OGDHL: variants seen among roughly 807,000 people sequenced by gnomAD.
The protein encoded by OGDHL is oxoglutarate dehydrogenase L, also known as 2-oxoglutarate dehydrogenase-like, mitochondrial.
A neutral mutation model predicts 109.6 loss-of-function variants in OGDHL; 79 were observed. The ratio of observed to expected loss-of-function variants is 0.72; its 90% CI spans 0.60 to 0.87. The LOEUF is 0.87. OGDHL is among the 40% of genes least tolerant of loss of function. The pLI, the probability that OGDHL is intolerant of heterozygous loss-of-function variation, is 0.00. For synonymous variants in OGDHL, 528 were observed against 537.2 expected, an observed-to-expected ratio of 0.98 and a Z score of 0.24; for missense variants, 1,275 against 1,362.2, an observed-to-expected ratio of 0.94 and a Z score of 1.01.
At position 49,748,099 on chromosome 10, in the gene OGDHL, G is replaced by A. The variant is rs574297757; in HGVS notation, c.988-891C>T. Among the ~76,000 whole-genome samples the A allele has an allele frequency of 6.8e-4, 103 of 152,280 alleles. 3 individuals carry two copies. The South Asian group carries it at 0.02, about 30-fold the overall frequency. ...ACATCTGCCAGCTCCTGGGAGGGTC[G>A]TTCAGTCCCACCCCCGTAGCTCCAG... On this transcript the variant is annotated intron_variant, in intron 8 of 22. Transcript: ENST00000374103.
In OGDHL at chr10:49,739,827, C is replaced by T; in HGVS notation, c.2153G>A (p.Gly718Asp). ...GGCATTGGGGCTGGCCATGGCATAG[C>T]CCAGCTCAAAGCCTAAACAGAAGAC... Reference protein sequence around the residue: ...SEYGVLGFELGYAMASPNALV... With the variant: ...SEYGVLGFELDYAMASPNALV... Residue 718 changes from glycine (G) to aspartate (D), a missense_variant, in exon 17 of 23, where the codon GGC (glycine) becomes GAC (aspartate). Coordinates refer to ENST00000374103, the MANE Select transcript of OGDHL (RefSeq NM_018245.3). The T allele has an allele frequency of 1.2e-6, 2 of 1,613,594 alleles. No individual in the cohort carries two copies. The highest frequency in any genetic ancestry group is 1.7e-6 in the Non-Finnish European group (2 of 1,179,768).
chr10:49,740,984 A>G (rs1265175672), intron 15 of OGDHL, 147 bp from the exon 16 acceptor site: 3 of 1,035,726 alleles, frequency 2.9e-6, no homozygotes, highest in Non-Finnish European at 2.8e-6. Flanking sequence ...GGCATCCAAG[A>G]AGGCTGTGGA....
chr10:49,752,021 A>G, intron 5 of OGDHL, 40 bp from the exon 6 acceptor site: 1 of 1,613,196 alleles, frequency 6.2e-7, no homozygotes, highest in Non-Finnish European at 8.5e-7. Context: ...AGCGGGGAAG[A>G]GGGACGGCTG....
intron 12 of OGDHL, 65 bp downstream of exon 12, chr10:49,745,279 A>G: frequency 6.3e-7 from 1 of 1,585,324 alleles, no homozygotes; most frequent in Non-Finnish European, 8.6e-7. Context: ...GGTAACATCT[A>G]CAACCCCTCT....
intron 11 of OGDHL, 75 bp from the exon 12 acceptor site, chr10:49,745,571 A>T: frequency 6.3e-7 from 1 of 1,578,450 alleles, no homozygotes; most frequent in Admixed American, 1.7e-5. Flanking sequence ...AAATTGGGGA[A>T]TATCTGGGTA....
At chr10:49,760,850 C>T (rs999016563) in intron 1 of OGDHL, among the ~76,000 whole-genome samples, 2 of 152,256 alleles carry the variant, frequency 1.3e-5, no homozygotes, top group Non-Finnish European at 2.9e-5. Flanking sequence ...TTCCCATCAG[C>T]TGAGCCAGAG....
chr10:49,738,474 T>C, intron 17 of OGDHL: 2 of 590,924 alleles, frequency 3.4e-6, no homozygotes, highest in Non-Finnish European at 6.0e-6. Context: ...TAGCACAGTA[T>C]GTGAACTTGC....
rs1841022361 is a variant in OGDHL at position 49,734,839 on chromosome 10, A to C, written c.*389T>G. The C allele has an allele frequency of 6.2e-6, 1 of 162,262 alleles. No individual in the cohort carries two copies. Among genetic ancestry groups the C allele is most frequent in the African/African-American group, 2.4e-5 (1 of 41,732 alleles). 10.1% of individuals were successfully genotyped at this position (162,262 alleles called of 1,614,324 possible). A position where few individuals can be genotyped will look rare whatever the true frequency, so the allele number is the denominator to read the frequency against. On this transcript the variant is annotated 3_prime_UTR_variant, in exon 23 of 23. Coordinates refer to ENST00000374103, the MANE Select transcript of OGDHL (RefSeq NM_018245.3). ...CCTACTTCTAAGAGCACAGAAGAGAACATCGCTTTGAATCTACAGATAAGC... is the reference window on the plus strand; with the variant it reads ...CCTACTTCTAAGAGCACAGAAGAGACCATCGCTTTGAATCTACAGATAAGC...
intron 20 of OGDHL, among the ~76,000 whole-genome samples, chr10:49,736,793 G>A (rs534374337): frequency 2.6e-5 from 4 of 152,228 alleles, no homozygotes; most frequent in Admixed American, 6.5e-5. Flanking sequence ...AATAAGAAGC[G>A]CCCTGAAGGA....
At chr10:49,762,377 C>T (rs1438395963), upstream of OGDHL, 2 of 152,184 alleles carry the variant, frequency 1.3e-5, no homozygotes, top group Non-Finnish European at 2.9e-5. Flanking sequence ...GCCCCTGAGA[C>T]TCCGCGCGTC....
In OGDHL at chr10:49,738,100, G is replaced by C. The variant is rs570938063; in HGVS notation, c.2392-28C>G. On this transcript the variant is annotated intron_variant, in intron 18 of 22. Transcript: ENST00000374103. Reference sequence around the variant, plus strand: ...GTGGGGACGAGATGCATATGGCCAGGGTGGCTGTCTGCTGCACCCACACCC... The same window carrying C: ...GTGGGGACGAGATGCATATGGCCAGCGTGGCTGTCTGCTGCACCCACACCC... The C allele has an allele frequency of 3.6e-5, 58 of 1,614,028 alleles. No homozygotes were observed. In the Middle Eastern group the frequency reaches 2.0e-3, roughly 55 times the overall value.
intron 16 of OGDHL, among the ~76,000 whole-genome samples, 181 bp downstream of exon 16, chr10:49,740,529 G>A (rs1223035779): frequency 6.6e-6 from 1 of 152,064 alleles, no homozygotes; most frequent in Non-Finnish European, 1.5e-5. Context: ...GATGGGACAC[G>A]ATTTCACCTC....
intron 20 of OGDHL, among the ~76,000 whole-genome samples, chr10:49,737,577 A>G (rs1378593782): frequency 6.6e-6 from 1 of 152,164 alleles, no homozygotes; most frequent in Non-Finnish European, 1.5e-5. Flanking sequence ...GGACTCTACC[A>G]TGGACGCAAC....
At chr10:49,747,233 T>C (rs761226202) in intron 8 of OGDHL, 25 bp from the exon 9 acceptor site, 7 of 1,609,292 alleles carry the variant, frequency 4.3e-6, no homozygotes, top group Admixed American at 3.3e-5. Context: ...GGGAACATGA[T>C]GGATCCTCCC....
At chr10:49,748,946 T>C (rs1182696148) in intron 8 of OGDHL, among the ~76,000 whole-genome samples, 3 of 151,990 alleles carry the variant, frequency 2.0e-5, no homozygotes, top group African/African-American at 7.3e-5. Context: ...GGTGGCTCCA[T>C]GCCTGTAATC....
Position 49,735,259 on chromosome 10 carries a change from T to C in OGDHL, c.3002A>G (p.Asn1001Ser), listed in dbSNP as rs766164706. 1 of 1,614,084 alleles carries C rather than the reference T, an allele frequency of 6.2e-7. No individual in the cohort carries two copies. The highest frequency in any genetic ancestry group is 8.5e-7 in the Non-Finnish European group (1 of 1,179,958). Residue 1001 changes from asparagine (N) to serine (S), a missense_variant, in exon 23 of 23, where the codon AAT becomes AGT. Physicochemically the swap from Asn to Ser is conservative, Grantham distance 46. Transcript: ENST00000374103. ...TGTCTTGCCCTCAAAGGCCTGGAGA[T>C]TGAAGGCAGTATCCAGAAACTTCTT... ...SLKKFLDTAFNLQAFEGKTF is the reference protein window; with the variant it reads ...SLKKFLDTAFSLQAFEGKTF
chr10:49,741,362 G>C (rs1841639221), intron 15 of OGDHL, among the ~76,000 whole-genome samples: 1 of 152,100 alleles, frequency 6.6e-6, no homozygotes, highest in Admixed American at 6.5e-5. Context: ...AGGACTGACA[G>C]GTAGCTCTGG....
At chr10:49,752,944 T>C (rs933958117) in intron 3 of OGDHL, among the ~76,000 whole-genome samples, 35 of 152,372 alleles carry the variant, frequency 2.3e-4, no homozygotes, top group African/African-American at 8.2e-4. Flanking sequence ...GGTTTGGAAG[T>C]ACAACATGCA....
rs368234947 is a variant in OGDHL, at chr10:49,740,699, C to T, written c.2140+11G>A. On this transcript the variant is annotated intron_variant, in intron 16 of 22. Coordinates refer to ENST00000374103, the MANE Select transcript of OGDHL (RefSeq NM_018245.3). ...GGGGCCTGCCTGGCCTGCAGGAGAG[C>T]GTGGACCCACCCAGGACTCCGTACT... 5.0e-6 allele frequency: 8 copies of T among 1,611,428 alleles called. No individual in the cohort carries two copies. Among genetic ancestry groups the T allele is most frequent in the African/African-American group, 2.7e-5 (2 of 74,872 alleles).
Sources: allele counts gnomAD v4.1 joint callset (sites outside exome capture counted in the v4.1 genomes callset), GRCh38; gene constraint gnomAD v4.1.1; transcripts MANE v1.5; gene names NCBI Gene and HGNC (gene_info 2026-07-23, HGNC 2026-07-21).